The following EFHD1 variants were observed in gnomAD, a reference collection of about 807,000 sequenced individuals.
The protein encoded by EFHD1 is EF-hand domain-containing protein D1.
Under a neutral mutation model 17.2 loss-of-function variants are expected in EFHD1, and 10 were observed. That is an observed-to-expected ratio of 0.58 (90% CI 0.36 to 0.99). The LOEUF (loss-of-function observed/expected upper bound fraction) is 0.99. EFHD1 is among the 50% of genes least tolerant of loss of function. EFHD1 has a pLI of 0.01. For missense variants in EFHD1, 310 were observed against 327.5 expected, an observed-to-expected ratio of 0.95 and a Z score of 0.41; for synonymous variants, 153 against 142.0, an observed-to-expected ratio of 1.08 and a Z score of -0.55.
chr2:232,651,587 C>G (rs10187744), intron 1 of EFHD1, among the ~76,000 whole-genome samples: 58,625 of 152,176 alleles, frequency 0.39, 12,429 homozygotes, highest in Non-Finnish European at 0.48. Context: ...TTCAGCCACA[C>G]CTGCCTGTGT....
chr2:232,667,405 C>T (rs1017590360), intron 2 of EFHD1, among the ~76,000 whole-genome samples: 2 of 152,072 alleles, frequency 1.3e-5, no homozygotes, highest in East Asian at 1.9e-4. Context: ...CCATGCGGAC[C>T]GGCATGAGAG....
chr2:232,671,669 G>A (rs1695069714), intron 2 of EFHD1, among the ~76,000 whole-genome samples: 2 of 152,062 alleles, frequency 1.3e-5, no homozygotes, highest in South Asian at 4.1e-4. Flanking sequence ...AGAGGTTGCA[G>A]TGAGCCGAGA....
chr2:232,622,087 T>G (rs1409992688), intron 1 of EFHD1, among the ~76,000 whole-genome samples: 1 of 152,198 alleles, frequency 6.6e-6, no homozygotes. Context: ...CCTTTGAACT[T>G]TGGACATGAC....
upstream of EFHD1, among the ~76,000 whole-genome samples, chr2:232,630,858 CATAA>C (rs1198309492): frequency 6.6e-6 from 1 of 150,716 alleles, no homozygotes; most frequent in Non-Finnish European, 1.5e-5. Flanking sequence ...ACATTATATT[CATAA>C]ATAAAAAGAG....
chr2:232,674,252 A>G (rs1695131706), intron 3 of EFHD1, among the ~76,000 whole-genome samples: 1 of 152,228 alleles, frequency 6.6e-6, no homozygotes, highest in Non-Finnish European at 1.5e-5. Flanking sequence ...CAATAGTGTT[A>G]GTGATAGAGA....
rs1353350826 is a variant in EFHD1 at position 232,633,818 on chromosome 2, C to T, written c.114C>T (p.Pro38=). ...PLGAPAPEPK[P]EPEPPARAPT... ...GCGCCCCAGCCCCGGAGCCCAAGCCCGAGCCCGAGCCTCCCGCCCGTGCGC... is the reference window on the plus strand; with the variant it reads ...GCGCCCCAGCCCCGGAGCCCAAGCCTGAGCCCGAGCCTCCCGCCCGTGCGC... Residue 38 remains proline (P), a synonymous_variant, in exon 1 of 4, where the codon CCC becomes CCT. Transcript: ENST00000264059. The T allele has an allele frequency of 1.4e-6, 2 of 1,472,906 alleles. No individual in the cohort carries two copies. Among genetic ancestry groups the T allele is most frequent in the Non-Finnish European group, 1.8e-6 (2 of 1,121,538 alleles). The allele number at this position is 1,472,906 out of a possible 1,614,324, so 91.2% of individuals were successfully genotyped here.
intron 1 of EFHD1, among the ~76,000 whole-genome samples, chr2:232,653,070 T>G (rs1694688918): frequency 6.6e-6 from 1 of 152,002 alleles, no homozygotes; most frequent in Non-Finnish European, 1.5e-5. Flanking sequence ...CTCGGCTCAC[T>G]GCAACCTCTG....
chr2:232,645,141 T>C (rs11689178), intron 1 of EFHD1, among the ~76,000 whole-genome samples: 86,127 of 151,660 alleles, frequency 0.57, 24,864 homozygotes, highest in South Asian at 0.68. Context: ...TGTTGCTGAA[T>C]GAAGGGAAAT....
intron 1 of EFHD1, among the ~76,000 whole-genome samples, chr2:232,657,894 CTTTTCTT>C (rs1447918879): frequency 8.4e-6 from 1 of 118,684 alleles, no homozygotes; most frequent in Non-Finnish European, 1.8e-5. Flanking sequence ...ATTTTTCTTT[CTTTTCTT>C]TTTTTTTTTT....
intron 2 of EFHD1, among the ~76,000 whole-genome samples, chr2:232,672,055 C>CA (rs199541838): frequency 0.044 from 4,759 of 108,654 alleles, 230 homozygotes; most frequent in African/African-American, 0.14. Context: ...GACTCTGCCT[C>CA]AAAAAAAAAA....
intron 1 of EFHD1, among the ~76,000 whole-genome samples, chr2:232,625,339 A>C (rs1260871811): frequency 6.7e-6 from 1 of 149,358 alleles, no homozygotes; most frequent in African/African-American, 2.5e-5. Flanking sequence ...GGATCTCGCT[A>C]TGTTGCCCAG....
At chr2:232,660,082 C>T (rs763030079) in intron 1 of EFHD1, among the ~76,000 whole-genome samples, 6 of 152,218 alleles carry the variant, frequency 3.9e-5, no homozygotes, top group African/African-American at 1.4e-4. Flanking sequence ...GACTACAGTT[C>T]GACATGAGAT....
At chr2:232,681,141 G>A (rs1695274719) in intron 3 of EFHD1, among the ~76,000 whole-genome samples, 1 of 151,946 alleles carries the variant, frequency 6.6e-6, no homozygotes, top group African/African-American at 2.4e-5. Context: ...GAGCGACAGA[G>A]CGAGACTCCA....
At chr2:232,653,437 C>T (rs1013943993) in intron 1 of EFHD1, among the ~76,000 whole-genome samples, 90 of 152,138 alleles carry the variant, frequency 5.9e-4, no homozygotes, top group Admixed American at 9.8e-4. Flanking sequence ...ATTACAGGCA[C>T]GCGCCACCAG....
chr2:232,617,497 C>CA (rs1559337208), intron 1 of EFHD1, among the ~76,000 whole-genome samples: 1 of 148,610 alleles, frequency 6.7e-6, no homozygotes, highest in South Asian at 2.1e-4. Flanking sequence ...AAAAAAAATA[C>CA]AAAAAAATTA....
intron 1 of EFHD1, among the ~76,000 whole-genome samples, chr2:232,648,791 TGG>T (rs974457778): frequency 2.6e-5 from 4 of 152,146 alleles, no homozygotes; most frequent in African/African-American, 7.2e-5. Context: ...TGCTCTGGTC[TGG>T]GGACCTCACT....
upstream of EFHD1, among the ~76,000 whole-genome samples, chr2:232,631,368 A>G (rs925953073): frequency 6.6e-6 from 1 of 151,680 alleles, no homozygotes; most frequent in African/African-American, 2.4e-5. Context: ...TGGCATGATC[A>G]TGGCTCACTG....
intron 1 of EFHD1, among the ~76,000 whole-genome samples, chr2:232,616,510 G>A (rs1417030143): frequency 6.6e-6 from 1 of 152,106 alleles, no homozygotes; most frequent in Non-Finnish European, 1.5e-5. Context: ...TATTGGTCAA[G>A]CTGGTCTTGA....
intron 1 of EFHD1, among the ~76,000 whole-genome samples, chr2:232,645,968 C>T (rs1481053066): frequency 6.6e-6 from 1 of 152,168 alleles, no homozygotes; most frequent in Non-Finnish European, 1.5e-5. Context: ...TCCTCGACAC[C>T]ATCCCCTGCA....
Sources: allele counts gnomAD v4.1 joint callset (sites outside exome capture counted in the v4.1 genomes callset), GRCh38; gene constraint gnomAD v4.1.1; transcripts MANE v1.5; gene names NCBI Gene and HGNC (gene_info 2026-07-23, HGNC 2026-07-21).